FLT1: variants seen among roughly 807,000 people sequenced by gnomAD.
FLT1 encodes the protein vascular endothelial growth factor receptor 1.
A neutral mutation model predicts 156.3 loss-of-function variants in FLT1; 49 were observed. The ratio of observed to expected loss-of-function variants is 0.31; its 90% confidence interval spans 0.25 to 0.40. The LOEUF (loss-of-function observed/expected upper bound fraction) is 0.40. Ranked by LOEUF, FLT1 falls within the 10% of genes least tolerant of loss-of-function variation. The probability of loss-of-function intolerance (pLI) is 1.00; values close to 1 mark genes in which losing one functional copy is unlikely to be tolerated. For missense variants in FLT1, 1,322 were observed against 1,637.2 expected (o/e 0.81, Z 3.32); for synonymous variants, 594 against 583.8 (o/e 1.02, Z -0.25).
intron 1 of FLT1, among the ~76,000 whole-genome samples, chr13:28,475,206 A>G (rs1448557104): frequency 1.3e-5 from 2 of 152,218 alleles, no homozygotes; most frequent in East Asian, 3.8e-4. Context: ...AATTTTCCCT[A>G]TTTAAATGGA....
rs140408517 is a variant in FLT1 at position 28,471,974 on chromosome 13, A to G, written c.65-4357T>C. Among the ~76,000 whole-genome samples the G allele has an allele frequency of 3.5e-3, 531 of 152,330 alleles. 5 individuals carry two copies. The highest frequency in any genetic ancestry group is 0.012 in the African/African-American group (510 of 41,574). On this transcript the variant is annotated intron_variant, in intron 1 of 29. Transcript: ENST00000282397. ...TTTGTTAGAAAAACTGTTAAGGTCAAGCAGTGTAGGCTAATAGCATTAAAA... is the reference window on the plus strand; with the variant it reads ...TTTGTTAGAAAAACTGTTAAGGTCAGGCAGTGTAGGCTAATAGCATTAAAA...
chr13:28,375,692 A>T (rs1873810187), intron 14 of FLT1, among the ~76,000 whole-genome samples: 1 of 152,194 alleles, frequency 6.6e-6, no homozygotes, highest in Non-Finnish European at 1.5e-5. Context: ...TTAATGACAC[A>T]TATTGAAGAG....
intron 13 of FLT1, chr13:28,389,249 C>T: frequency 8.8e-7 from 1 of 1,136,248 alleles, no homozygotes; most frequent in Non-Finnish European, 1.1e-6. Context: ...TAAAACCAGG[C>T]AGAAGTCCGA....
intron 14 of FLT1, among the ~76,000 whole-genome samples, chr13:28,369,719 A>G (rs540479383): frequency 6.6e-6 from 1 of 152,332 alleles, no homozygotes; most frequent in South Asian, 2.1e-4. Context: ...TTTGAGACAC[A>G]GTGAAAAGCA....
At chr13:28,383,633 G>T (rs1874176026) in intron 14 of FLT1, among the ~76,000 whole-genome samples, 1 of 151,538 alleles carries the variant, frequency 6.6e-6, no homozygotes, top group African/African-American at 2.4e-5. Context: ...CTGCACTCCA[G>T]CCTGGGCGAC....
intron 1 of FLT1, among the ~76,000 whole-genome samples, chr13:28,477,929 A>C (rs567582060): frequency 6.6e-6 from 1 of 152,246 alleles, no homozygotes; most frequent in Non-Finnish European, 1.5e-5. Context: ...TGGAGATGCC[A>C]TTTCAATAAA....
In FLT1 at chr13:28,303,227, C is replaced by T. The variant is rs146247905; in HGVS notation, c.3957G>A (p.Ala1319=). 28 of 1,613,502 alleles carry T rather than the reference C, an allele frequency of 1.7e-5. No individual in the cohort carries two copies. Among genetic ancestry groups the T allele is most frequent in the South Asian group, 4.4e-5 (4 of 91,066 alleles). Residue 1319 remains alanine (A), a synonymous_variant, in exon 30 of 30, where the codon GCG becomes GCA. Transcript: ENST00000282397. ...YDHAELERKI[A]CCSPPPDYNS... is the part of the protein sequence containing the mutation. ...TGTAGTCTGGGGGCGGGGAGCAGCA[C>T]GCGATTTTCCTTTCCAGCTCAGCGT...
chr13:28,406,008 G>A, intron 10 of FLT1, 114 bp from the exon 11 acceptor site: 1 of 578,940 alleles, frequency 1.7e-6, no homozygotes, highest in Non-Finnish European at 3.1e-6. Context: ...CAAATTTTAT[G>A]TGTGATCTTC....
At position 28,323,693 on chromosome 13, in the gene FLT1, G is replaced by A. The variant is rs151182837; in HGVS notation, c.2797-747C>T. Among the ~76,000 whole-genome samples the A allele has an allele frequency of 1.4e-3, 207 of 149,720 alleles. No individual in the cohort carries two copies. The Middle Eastern group carries it at 0.014, about 10-fold the overall frequency. ...GCAAAGCTTGAACCCAGGATTGGTCGATGCCCACATCTGTGCCCTTAACCA... is the reference window on the plus strand; with the variant it reads ...GCAAAGCTTGAACCCAGGATTGGTCAATGCCCACATCTGTGCCCTTAACCA... On this transcript the variant is annotated intron_variant, in intron 20 of 29. Coordinates refer to ENST00000282397, the MANE Select transcript of FLT1 (RefSeq NM_002019.4).
intron 10 of FLT1, among the ~76,000 whole-genome samples, chr13:28,412,350 C>CTTTCTTTCTTTCTTTCTT (rs71086853): frequency 1.1e-5 from 1 of 93,708 alleles, no homozygotes; most frequent in Non-Finnish European, 2.3e-5. Flanking sequence ...TTCTTTCTTT[C>CTTTCTTTCTTTCTTTCTT]TCTTTCTTTC....
intron 3 of FLT1, among the ~76,000 whole-genome samples, chr13:28,464,263 T>G (rs1473501867): frequency 6.6e-6 from 1 of 152,234 alleles, no homozygotes; most frequent in Non-Finnish European, 1.5e-5. Context: ...TGATAGATAA[T>G]TTCCTAATGT....
chr13:28,457,899 T>A (rs186259583), intron 3 of FLT1, among the ~76,000 whole-genome samples: 1 of 151,762 alleles, frequency 6.6e-6, no homozygotes, highest in African/African-American at 2.4e-5. Flanking sequence ...TTCATTGCCA[T>A]CTTTAGATTT....
At position 28,466,959 on chromosome 13, in the gene FLT1, G is replaced by C. The variant is rs746092797; in HGVS notation, c.332C>G (p.Ala111Gly). ...HTGFYSCKYL[A>G]VPTSKKKETE... ...TTCCTTCTTCTTTGAAGTAGGTACA[G>C]CTAGATATTTGCAGCTGTAGAAGCC... Residue 111 changes from alanine to glycine, a missense_variant, in exon 3 of 30, where the codon GCT becomes GGT. By Grantham distance (60) the Ala-to-Gly change is moderately conservative (BLOSUM62 0). Transcript: ENST00000282397. 6.2e-7 allele frequency: 1 copy of C among 1,614,074 alleles called. No individual in the cohort carries two copies. The highest frequency in any genetic ancestry group is 2.2e-5 in the East Asian group (1 of 44,890).
At chr13:28,311,472 CTCTT>C (rs779716870) in intron 27 of FLT1, 114 bp downstream of exon 27, 296 of 893,316 alleles carry the variant, frequency 3.3e-4, no homozygotes, top group African/African-American at 1.9e-3. Context: ...CTTTCTTTCT[CTCTT>C]TCTTTCTTTC....
intron 25 of FLT1, among the ~76,000 whole-genome samples, chr13:28,316,190 C>A (rs992824313): frequency 1.2e-4 from 18 of 152,246 alleles, no homozygotes; most frequent in African/African-American, 4.1e-4. Flanking sequence ...TGCTGTTGGG[C>A]CTGAGTCTCC....
chr13:28,479,917 A>G (rs1229944410), intron 1 of FLT1, among the ~76,000 whole-genome samples: 1 of 152,232 alleles, frequency 6.6e-6, no homozygotes, highest in Non-Finnish European at 1.5e-5. Context: ...ACAGCTTTAA[A>G]ATAACTTATG....
chr13:28,330,606 A>C (rs201122301), intron 18 of FLT1, among the ~76,000 whole-genome samples: 3 of 136,688 alleles, frequency 2.2e-5, no homozygotes, highest in East Asian at 4.4e-4. Flanking sequence ...ATATATATAT[A>C]TCATATATAT....
At chr13:28,367,875 T>A (rs750872624) in intron 14 of FLT1, among the ~76,000 whole-genome samples, 25 of 152,194 alleles carry the variant, frequency 1.6e-4, no homozygotes, top group Non-Finnish European at 3.4e-4. Context: ...TTTTTATTCA[T>A]CAAAGTCCAA....
intron 25 of FLT1, among the ~76,000 whole-genome samples, chr13:28,314,194 C>T (rs915146355): frequency 1.3e-5 from 2 of 152,144 alleles, no homozygotes; most frequent in Admixed American, 6.5e-5. Flanking sequence ...CCTGCACCAT[C>T]GTCTCCCCAC....
Sources: allele counts gnomAD v4.1 joint callset (sites outside exome capture counted in the v4.1 genomes callset), GRCh38; gene constraint gnomAD v4.1.1; transcripts MANE v1.5; gene names NCBI Gene and HGNC (gene_info 2026-07-23, HGNC 2026-07-21).